SCAPER: variants seen among roughly 807,000 people sequenced by gnomAD.
SCAPER encodes S phase cyclin A-associated protein in the endoplasmic reticulum.
A neutral mutation model predicts 182.2 loss-of-function variants in SCAPER; 98 were observed. That is an observed-to-expected ratio of 0.54 (90% CI 0.46 to 0.64). The LOEUF (loss-of-function observed/expected upper bound fraction) is 0.64, where lower values mean the gene tolerates loss of function less well. SCAPER is among the 30% of genes least tolerant of loss of function. SCAPER has a pLI of 0.00. For missense variants in SCAPER, 1,432 were observed against 1,690.0 expected (o/e 0.85, Z 2.68); for synonymous variants, 605 against 564.6 (o/e 1.07, Z -1.01).
At chr15:76,546,626 TTCTCTCTCTCTCTCTCCCTC>T (rs2045310125) in intron 23 of SCAPER, among the ~76,000 whole-genome samples, 1 of 151,210 alleles carries the variant, frequency 6.6e-6, no homozygotes, top group East Asian at 1.9e-4. Flanking sequence ...GCTTTTATAC[TTCTCTCTCTCTCTCTCCCTC>T]TCTCTCTCTC....
intron 17 of SCAPER, among the ~76,000 whole-genome samples, chr15:76,712,920 T>C (rs1223590392): frequency 6.6e-6 from 1 of 152,226 alleles, no homozygotes; most frequent in Non-Finnish European, 1.5e-5. Flanking sequence ...CCTAATTGAA[T>C]GCCCTTTATT....
At chr15:76,549,716 T>C (rs956943217) in intron 23 of SCAPER, among the ~76,000 whole-genome samples, 2 of 147,944 alleles carry the variant, frequency 1.4e-5, no homozygotes, top group Admixed American at 1.4e-4. Flanking sequence ...CTGCACGTTG[T>C]GCACATGTAC....
intron 14 of SCAPER, 118 bp from the exon 15 acceptor site, chr15:76,754,066 C>G: frequency 9.3e-7 from 1 of 1,079,044 alleles, no homozygotes; most frequent in African/African-American, 1.6e-5. Context: ...TGTGCAGCAA[C>G]ATGACTAACA....
At chr15:76,720,769 T>C (rs2060188985) in intron 17 of SCAPER, among the ~76,000 whole-genome samples, 2 of 152,138 alleles carry the variant, frequency 1.3e-5, no homozygotes, top group South Asian at 4.2e-4. Context: ...CACTTTTTGA[T>C]GGGGTTGTTT....
At chr15:76,627,527 A>G (rs574985192) in intron 21 of SCAPER, among the ~76,000 whole-genome samples, 129 of 152,210 alleles carry the variant, frequency 8.5e-4, no homozygotes, top group East Asian at 1.5e-3. Context: ...CCCACTTGTA[A>G]CTGAGAGCAT....
intron 2 of SCAPER, among the ~76,000 whole-genome samples, chr15:76,863,278 A>C (rs2072020800): frequency 6.6e-6 from 1 of 152,210 alleles, no homozygotes; most frequent in South Asian, 2.1e-4. Context: ...GAGATCATAA[A>C]ACACCCATGT....
intron 22 of SCAPER, among the ~76,000 whole-genome samples, chr15:76,612,484 T>C (rs1002547676): frequency 2.6e-5 from 4 of 152,116 alleles, no homozygotes; most frequent in Admixed American, 2.6e-4. Context: ...AATCCGCCTG[T>C]TGTGTCCTAC....
chr15:76,498,097 A>C (rs1467705148), intron 24 of SCAPER, among the ~76,000 whole-genome samples: 1 of 151,694 alleles, frequency 6.6e-6, no homozygotes, highest in Non-Finnish European at 1.5e-5. Flanking sequence ...TCCTTTAATG[A>C]AGAGTCTTCT....
chr15:76,649,532 A>G (rs1316721930), intron 21 of SCAPER, among the ~76,000 whole-genome samples: 2 of 151,296 alleles, frequency 1.3e-5, no homozygotes, highest in African/African-American at 4.8e-5. Flanking sequence ...ATGATATGGA[A>G]AAAAATATAT....
intron 27 of SCAPER, chr15:76,385,272 T>C (rs980793111): frequency 3.3e-5 from 5 of 152,226 alleles, no homozygotes; most frequent in Admixed American, 2.6e-4. Context: ...TGGGCCTTAG[T>C]TGGCCTAAAA....
chr15:76,663,582 T>C (rs868419885), intron 21 of SCAPER, among the ~76,000 whole-genome samples: 1 of 151,114 alleles, frequency 6.6e-6, no homozygotes, highest in Non-Finnish European at 1.5e-5. Flanking sequence ...AAAAACAGTA[T>C]AATCAGTTAA....
intron 4 of SCAPER, among the ~76,000 whole-genome samples, chr15:76,857,130 CTG>C (rs1222855087): frequency 2.0e-5 from 3 of 152,004 alleles, no homozygotes; most frequent in African/African-American, 7.2e-5. Flanking sequence ...AGAGCATAAA[CTG>C]TGGAAATTAA....
chr15:76,858,700 C>T (rs1393421455), intron 3 of SCAPER, among the ~76,000 whole-genome samples: 1 of 152,178 alleles, frequency 6.6e-6, no homozygotes, highest in Non-Finnish European at 1.5e-5. Flanking sequence ...TTAGTTCCCA[C>T]TTATAAATGA....
At chr15:76,577,484 G>A (rs953504475) in intron 22 of SCAPER, among the ~76,000 whole-genome samples, 1 of 152,140 alleles carries the variant, frequency 6.6e-6, no homozygotes, top group African/African-American at 2.4e-5. Context: ...AGAGGACTTT[G>A]TCTTGCAACT....
rs572897993 is a variant in SCAPER at position 76,696,988 on chromosome 15, G to A, written c.2508+4770C>T. Among the ~76,000 whole-genome samples, 3 of 152,190 alleles carry A rather than the reference G, an allele frequency of 2.0e-5. No individual in the cohort carries two copies. The East Asian group carries it at 5.8e-4, about 29-fold the overall frequency. On this transcript the variant is annotated intron_variant, in intron 20 of 31. Transcript: ENST00000563290. The stretch of plus-strand genomic sequence containing the variant: ...AGCAGCTACCTACTATGTTTAACAG[G>A]CTTAAAACAAAATGTGTCAAAGATC...
At chr15:76,493,547 A>T (rs560603760) in intron 24 of SCAPER, among the ~76,000 whole-genome samples, 4 of 152,316 alleles carry the variant, frequency 2.6e-5, no homozygotes, top group South Asian at 2.1e-4. Flanking sequence ...TAATATATTT[A>T]AAAAAGTAGG....
chr15:76,585,384 A>G (rs1462080556), intron 22 of SCAPER, among the ~76,000 whole-genome samples: 3 of 152,132 alleles, frequency 2.0e-5, no homozygotes, highest in East Asian at 1.9e-4. Context: ...CCAATCAAAT[A>G]TGGGCTAGAG....
intron 21 of SCAPER, among the ~76,000 whole-genome samples, chr15:76,624,585 T>C (rs2052397594): frequency 6.6e-6 from 1 of 152,204 alleles, no homozygotes; most frequent in South Asian, 2.1e-4. Flanking sequence ...ATGTTGCATA[T>C]GTCACATATG....
intron 22 of SCAPER, among the ~76,000 whole-genome samples, chr15:76,579,252 C>T (rs528000162): frequency 9.9e-4 from 91 of 91,790 alleles, no homozygotes; most frequent in Admixed American, 9.7e-4. Flanking sequence ...GGTGACAGAG[C>T]GAGACTCTGT....
Sources: gnomAD v4.1 joint callset for allele counts (sites outside exome capture counted in the v4.1 genomes callset) on GRCh38, gnomAD v4.1.1 for gene constraint, MANE v1.5 for transcripts, NCBI Gene and HGNC (gene_info 2026-07-23, HGNC 2026-07-21) for gene names.